The following RAD51B variants were observed in gnomAD, a reference collection of about 807,000 sequenced individuals.
The protein encoded by RAD51B is DNA repair protein RAD51 homolog 2.
A neutral mutation model predicts 42.2 loss-of-function variants in RAD51B; 38 were observed. The ratio of observed to expected loss-of-function variants is 0.90; its 90% confidence interval spans 0.70 to 1.18. RAD51B has a LOEUF of 1.18. Among genes scored for constraint, RAD51B ranks in the 50% most tolerant of loss-of-function variants. The pLI is 0.00. For synonymous variants in RAD51B, 154 were observed against 145.2 expected, an observed-to-expected ratio of 1.06 and a Z score of -0.43; for missense variants, 373 against 400.7, an observed-to-expected ratio of 0.93 and a Z score of 0.59.
At chr14:67,829,740 A>AAGGCTATC (rs1184189875) in intron 3 of RAD51B, among the ~76,000 whole-genome samples, 1 of 152,194 alleles carries the variant, frequency 6.6e-6, no homozygotes, top group African/African-American at 2.4e-5. Context: ...GTCAGGCACC[A>AAGGCTATC]AGGCTATCAT....
At chr14:68,354,512 C>T (rs2082858115) in intron 8 of RAD51B, among the ~76,000 whole-genome samples, 1 of 151,958 alleles carries the variant, frequency 6.6e-6, no homozygotes, top group South Asian at 2.1e-4. Context: ...CGCGCCTGGC[C>T]CCAATAATGT....
intron 10 of RAD51B, among the ~76,000 whole-genome samples, chr14:68,528,226 C>T (rs1029504631): frequency 2.6e-5 from 4 of 152,232 alleles, no homozygotes; most frequent in African/African-American, 7.2e-5. Context: ...CATAGAAAAA[C>T]TTCAGCCATT....
chr14:68,411,244 G>GT (rs1385645817), intron 8 of RAD51B, among the ~76,000 whole-genome samples, 180 bp from the exon 9 acceptor site: 1 of 152,128 alleles, frequency 6.6e-6, no homozygotes, highest in Non-Finnish European at 1.5e-5. Flanking sequence ...ACCCCTGCTG[G>GT]TTTTTAGTCT....
At chr14:67,855,431 G>T (rs1478000977) in intron 4 of RAD51B, among the ~76,000 whole-genome samples, 4 of 150,552 alleles carry the variant, frequency 2.7e-5, no homozygotes, top group African/African-American at 4.9e-5. Flanking sequence ...TAGAGACGGG[G>T]TTTCACTGTG....
chr14:68,380,327 C>T (rs1026472013), intron 8 of RAD51B, among the ~76,000 whole-genome samples: 3 of 152,138 alleles, frequency 2.0e-5, no homozygotes, highest in Admixed American at 6.5e-5. Flanking sequence ...GCCTATTCAC[C>T]CAGCCAAACT....
chr14:68,056,804 C>T lies in RAD51B; in HGVS notation c.756+169600C>T, dbSNP rs964122401. Reference sequence around the variant, plus strand: ...AAAATAAGAAATATTTACGGCCAGGCGCGGTGGCTCACACCTGTAATCCCA... The same window carrying T: ...AAAATAAGAAATATTTACGGCCAGGTGCGGTGGCTCACACCTGTAATCCCA... On this transcript the variant is annotated intron_variant, in intron 7 of 10. Coordinates refer to ENST00000471583, the MANE Select transcript of RAD51B (RefSeq NM_133510.4). Among the ~76,000 whole-genome samples, 12 of 151,706 alleles carry T rather than the reference C, an allele frequency of 7.9e-5. No homozygotes were observed. In the East Asian group the frequency reaches 2.1e-3, roughly 27 times the overall value.
chr14:68,432,009 C>T (rs1450245307), intron 9 of RAD51B, among the ~76,000 whole-genome samples: 2 of 152,150 alleles, frequency 1.3e-5, no homozygotes, highest in African/African-American at 4.8e-5. Context: ...TCGTTATGTA[C>T]CCAGTAGTCA....
chr14:68,259,835 A>G lies in RAD51B; in HGVS notation c.757-32049A>G, dbSNP rs17105273. 8.4e-3 allele frequency among the ~76,000 whole-genome samples: 1,286 copies of G among 152,214 alleles called. 16 individuals carry two copies. Among genetic ancestry groups the G allele is most frequent in the African/African-American group, 0.03 (1,244 of 41,514 alleles). On this transcript the variant is annotated intron_variant, in intron 7 of 10. Coordinates refer to ENST00000471583, the MANE Select transcript of RAD51B (RefSeq NM_133510.4). ...ACCAAGCAGCGATATGGCTATGGCT[A>G]TATCACTGTTTTGCCTGAGAGTCAT... is the stretch of plus-strand genomic sequence containing the variant.
chr14:67,858,867 A>G (rs140432741), intron 4 of RAD51B, among the ~76,000 whole-genome samples: 259 of 152,358 alleles, frequency 1.7e-3, no homozygotes, highest in African/African-American at 6.0e-3. Context: ...TTTTACTGAC[A>G]GAAGTTTCCC....
intron 8 of RAD51B, among the ~76,000 whole-genome samples, chr14:68,387,849 C>T (rs1370475229): frequency 6.6e-6 from 1 of 151,938 alleles, no homozygotes; most frequent in Admixed American, 6.5e-5. Context: ...ATGAAAGGTG[C>T]CTTAAGTGTA....
At chr14:68,443,301 T>C (rs1194476517) in intron 9 of RAD51B, among the ~76,000 whole-genome samples, 1 of 152,172 alleles carries the variant, frequency 6.6e-6, no homozygotes, top group African/African-American at 2.4e-5. Context: ...AGTCAGCACA[T>C]AGCATGCTAT....
chr14:68,544,116 A>G (rs1888102954), intron 10 of RAD51B, among the ~76,000 whole-genome samples: 1 of 152,222 alleles, frequency 6.6e-6, no homozygotes, highest in Admixed American at 6.5e-5. Context: ...ACTTTCATTT[A>G]TCTTGGAAAC....
chr14:68,442,435 C>CTTTTT lies in RAD51B; in HGVS notation c.958-25716_958-25712dup, dbSNP rs774360651. On this transcript the variant is annotated intron_variant, in intron 9 of 10. Transcript: ENST00000471583. ...TGCCTACTATGTAGTAGGCATTGTG[C>CTTTTT]TTTTTTTTTTTTTTTTTTTTTTTTT... Among the ~76,000 whole-genome samples, 46 of 68,416 alleles carry CTTTTT rather than the reference C, an allele frequency of 6.7e-4. 3 individuals carry two copies. Among genetic ancestry groups the CTTTTT allele is most frequent in the Admixed American group, 1.5e-3 (7 of 4,532 alleles). 44.9% of individuals were successfully genotyped at this position (68,416 alleles called of 152,430 possible).
At chr14:68,292,099 C>T (rs941182888) in intron 8 of RAD51B, 119 bp downstream of exon 8, 51 of 881,608 alleles carry the variant, frequency 5.8e-5, no homozygotes, top group Middle Eastern at 3.1e-4. Context: ...TGAACCCAGC[C>T]GGAGCCTGTT....
chr14:68,183,230 C>G (rs372132263), intron 7 of RAD51B, among the ~76,000 whole-genome samples: 1 of 152,114 alleles, frequency 6.6e-6, no homozygotes, highest in African/African-American at 2.4e-5. Context: ...GTAGGGAAAC[C>G]AACAGTGCAG....
intron 9 of RAD51B, among the ~76,000 whole-genome samples, chr14:68,424,736 T>C (rs2084791477): frequency 6.6e-6 from 1 of 152,214 alleles, no homozygotes; most frequent in South Asian, 2.1e-4. Context: ...TTGATCCCTT[T>C]GACTTGAGGA....
chr14:68,194,076 A>T (rs529501763), intron 7 of RAD51B, among the ~76,000 whole-genome samples: 2 of 152,210 alleles, frequency 1.3e-5, no homozygotes, highest in Admixed American at 1.3e-4. Context: ...TATGAGTTAC[A>T]CTTTTTTCCT....
At chr14:68,035,095 G>T (rs2076100922) in intron 7 of RAD51B, among the ~76,000 whole-genome samples, 1 of 152,150 alleles carries the variant, frequency 6.6e-6, no homozygotes. Context: ...TTCCCGTATA[G>T]AAATTAGACT....
At chr14:68,023,840 T>A (rs186023417) in intron 7 of RAD51B, among the ~76,000 whole-genome samples, 1 of 152,230 alleles carries the variant, frequency 6.6e-6, no homozygotes, top group African/African-American at 2.4e-5. Context: ...GGAAGTTCTT[T>A]ACTTTAATTA....
Sources: allele counts gnomAD v4.1 joint callset (sites outside exome capture counted in the v4.1 genomes callset), GRCh38; gene constraint gnomAD v4.1.1; transcripts MANE v1.5; gene names NCBI Gene and HGNC (gene_info 2026-07-23, HGNC 2026-07-21).